The following ABCA13 variants were observed in gnomAD, a reference collection of about 807,000 sequenced individuals.
ABCA13 encodes the protein ATP binding cassette subfamily A member 13, also known as ATP-binding cassette sub-family A member 13.
A neutral mutation model predicts 478.7 loss-of-function variants in ABCA13; 476 were observed. The observed-to-expected ratio is 0.99, with a 90% CI of 0.92 to 1.07. ABCA13 has a LOEUF of 1.07. Ranked by LOEUF, ABCA13 falls within the 50% of genes least tolerant of loss-of-function variation. The pLI, the probability that ABCA13 is intolerant of heterozygous loss-of-function variation, is 0.00. For missense variants in ABCA13, 6,060 were observed against 5,910.6 expected (o/e 1.03, Z -0.83); for synonymous variants, 2,252 against 2,158.9 (o/e 1.04, Z -1.20).
Position 48,427,832 on chromosome 7 carries a change from C to A in ABCA13, c.12526C>A (p.Leu4176Met). 1 of 1,612,356 alleles carries A rather than the reference C, an allele frequency of 6.2e-7. No homozygotes were observed. The highest frequency in any genetic ancestry group is 1.3e-5 in the African/African-American group (1 of 74,862). ...SHIALGTESELQNHRPTGHLS... is the reference protein window; with the variant it reads ...SHIALGTESEMQNHRPTGHLS... ...CATTGCCCTGGGGACTGAGTCAGAGCTGCAGAACCACAGGCCTACAGGACA... is the reference window on the plus strand; with the variant it reads ...CATTGCCCTGGGGACTGAGTCAGAGATGCAGAACCACAGGCCTACAGGACA... Residue 4176 changes from leucine (L) to methionine (M), a missense_variant, in exon 42 of 62, where the codon CTG (leucine) becomes ATG (methionine). Coordinates refer to ENST00000435803, the MANE Select transcript of ABCA13 (RefSeq NM_152701.5).
intron 2 of ABCA13, among the ~76,000 whole-genome samples, chr7:48,193,629 G>A (rs1359227040): frequency 1.3e-5 from 2 of 148,438 alleles, no homozygotes; most frequent in African/African-American, 2.5e-5. Flanking sequence ...TGATGATGAT[G>A]TAGATAATAG....
At chr7:48,356,307 GT>G (rs1458228946) in intron 31 of ABCA13, among the ~76,000 whole-genome samples, 1 of 151,934 alleles carries the variant, frequency 6.6e-6, no homozygotes, top group Non-Finnish European at 1.5e-5. Context: ...ACTTGGAGGG[GT>G]AGAATTGGAG....
intron 9 of ABCA13, among the ~76,000 whole-genome samples, chr7:48,240,356 C>T (rs1019899236): frequency 2.0e-5 from 3 of 152,270 alleles, no homozygotes; most frequent in Admixed American, 6.5e-5. Flanking sequence ...ACATGTACAT[C>T]GTGCACCTCT....
At chr7:48,429,773 G>A (rs961685838) in intron 42 of ABCA13, among the ~76,000 whole-genome samples, 15 of 152,180 alleles carry the variant, frequency 9.9e-5, no homozygotes, top group African/African-American at 2.9e-4. Flanking sequence ...ATCATGAAAG[G>A]TGTTGGATGT....
At chr7:48,626,488 G>T in intron 59 of ABCA13, 1 of 395,464 alleles carries the variant, frequency 2.5e-6, no homozygotes, top group Non-Finnish European at 3.4e-6. Context: ...ACCAAATTAT[G>T]GGAAATATTA....
At chr7:48,575,898 C>T (rs1788130798) in intron 55 of ABCA13, among the ~76,000 whole-genome samples, 2 of 152,118 alleles carry the variant, frequency 1.3e-5, no homozygotes, top group South Asian at 4.1e-4. Flanking sequence ...ACCCCCTACA[C>T]CCATGGGTTC....
chr7:48,335,626 A>G (rs1584904668), intron 28 of ABCA13, 91 bp downstream of exon 28: 9 of 902,900 alleles, frequency 1.0e-5, no homozygotes, highest in African/African-American at 1.7e-5. Context: ...GATTCTACAG[A>G]GTCACATCAG....
At chr7:48,384,457 G>A (rs1814865679) in intron 35 of ABCA13, among the ~76,000 whole-genome samples, 1 of 152,296 alleles carries the variant, frequency 6.6e-6, no homozygotes, top group East Asian at 1.9e-4. Context: ...GCGCGTCACT[G>A]GGCAACCCTT....
intron 53 of ABCA13, among the ~76,000 whole-genome samples, chr7:48,522,604 C>A (rs530584809): frequency 6.6e-6 from 1 of 152,278 alleles, no homozygotes; most frequent in Admixed American, 6.5e-5. Context: ...TAGAGGATAA[C>A]TAAGTGGCAC....
intron 8 of ABCA13, among the ~76,000 whole-genome samples, chr7:48,236,273 T>C (rs1054683863): frequency 6.6e-6 from 1 of 152,196 alleles, no homozygotes; most frequent in Admixed American, 6.5e-5. Flanking sequence ...TCAGAGTTAT[T>C]TGGAGAAGCA....
chr7:48,329,803 A>G (rs573484815), intron 27 of ABCA13, among the ~76,000 whole-genome samples: 2 of 151,882 alleles, frequency 1.3e-5, no homozygotes, highest in African/African-American at 4.8e-5. Flanking sequence ...CCATCCACCC[A>G]TTCATTCATC....
intron 50 of ABCA13, among the ~76,000 whole-genome samples, chr7:48,509,706 G>A (rs371965006): frequency 6.6e-6 from 1 of 152,118 alleles, no homozygotes; most frequent in African/African-American, 2.4e-5. Flanking sequence ...AGGATCTGTT[G>A]TGGGTCAAGG....
chr7:48,271,244 G>T (rs940431742), intron 16 of ABCA13, among the ~76,000 whole-genome samples: 1 of 152,164 alleles, frequency 6.6e-6, no homozygotes, highest in Admixed American at 6.5e-5. Context: ...GCTCTTCTGA[G>T]AACTCTGTAT....
intron 56 of ABCA13, among the ~76,000 whole-genome samples, chr7:48,586,206 C>T (rs1789163629): frequency 1.3e-5 from 2 of 152,110 alleles, no homozygotes; most frequent in Admixed American, 6.5e-5. Flanking sequence ...TGAGGTTTGA[C>T]AAATGCTGCC....
chr7:48,340,948 C>G (rs950387658), intron 29 of ABCA13, among the ~76,000 whole-genome samples: 9 of 152,150 alleles, frequency 5.9e-5, no homozygotes, highest in African/African-American at 1.7e-4. Context: ...GATACACCTA[C>G]GGCAGTATTT....
chr7:48,466,847 G>A, intron 43 of ABCA13, 109 bp from the exon 44 acceptor site: 1 of 987,432 alleles, frequency 1.0e-6, no homozygotes. Flanking sequence ...ATCATTAGAT[G>A]GATCAGCCTG....
intron 23 of ABCA13, among the ~76,000 whole-genome samples, chr7:48,300,921 T>C (rs1416073098): frequency 1.3e-5 from 2 of 152,204 alleles, no homozygotes; most frequent in African/African-American, 2.4e-5. Context: ...TAGGCACATG[T>C]TCAAATCAAC....
At chr7:48,224,628 A>C (rs1787884232) in intron 5 of ABCA13, among the ~76,000 whole-genome samples, 1 of 152,138 alleles carries the variant, frequency 6.6e-6, no homozygotes, top group Non-Finnish European at 1.5e-5. Context: ...ATGGGAAATA[A>C]AAATTACTAA....
chr7:48,182,248 C>T (rs186892706), intron 1 of ABCA13, among the ~76,000 whole-genome samples: 181 of 152,276 alleles, frequency 1.2e-3, no homozygotes, highest in Non-Finnish European at 2.3e-3. Context: ...TCTATCGATA[C>T]CCTAACGATT....
Sources: allele counts gnomAD v4.1 joint callset (sites outside exome capture counted in the v4.1 genomes callset), GRCh38; gene constraint gnomAD v4.1.1; transcripts MANE v1.5; gene names NCBI Gene and HGNC (gene_info 2026-07-23, HGNC 2026-07-21).